PRR14L: variants seen among roughly 807,000 people sequenced by gnomAD.
PRR14L encodes the protein protein PRR14L.
A neutral mutation model predicts 155.0 loss-of-function variants in PRR14L; 80 were observed. The observed-to-expected ratio is 0.52, with a 90% CI of 0.43 to 0.62. The LOEUF is 0.62. Among genes scored for constraint, PRR14L ranks in the 20% least tolerant of loss-of-function variants. PRR14L has a pLI of 0.00. For synonymous variants in PRR14L, 883 were observed against 916.0 expected (o/e 0.96, Z 0.65); for missense variants, 2,469 against 2,548.0 (o/e 0.97, Z 0.67).
In PRR14L at chr22:31,682,251, T is replaced by C. The variant is rs2074458234; in HGVS notation, c.*3276A>G. On this transcript the variant is annotated 3_prime_UTR_variant, in exon 9 of 9. Coordinates refer to ENST00000327423, the MANE Select transcript of PRR14L (RefSeq NM_173566.3). ...AGTGGGATCTGGAATGGACCTCAGGTTGGCTCTGGAGCCCGTGCCAAAGAC... is the reference window on the plus strand; with the variant it reads ...AGTGGGATCTGGAATGGACCTCAGGCTGGCTCTGGAGCCCGTGCCAAAGAC... 1 of 152,192 alleles carries C rather than the reference T, an allele frequency of 6.6e-6. No homozygotes were observed. Among genetic ancestry groups the C allele is most frequent in the Non-Finnish European group, 1.5e-5 (1 of 68,052 alleles). The allele number at this position is 152,192 out of a possible 1,614,324, so 9.4% of individuals were successfully genotyped here.
Position 31,714,901 on chromosome 22 carries a change from C to T in PRR14L, c.2938G>A (p.Asp980Asn). The T allele has an allele frequency of 3.2e-6, 5 of 1,551,990 alleles. No individual in the cohort carries two copies. Among genetic ancestry groups the T allele is most frequent in the Non-Finnish European group, 4.4e-6 (5 of 1,147,066 alleles). ...GACTGACCTTCACTTTTGCATTCAT[C>T]TGGTCTGTTTTGGTTACTCTGACAG... ...LDCQSNQNRP[D>N]ECKSEGQSAK... The change falls in exon 4 of 9, where the codon GAT becomes AAT. Residue 980 changes from aspartate to asparagine, a missense_variant. Physicochemically the swap from Asp to Asn is conservative, Grantham distance 23 (BLOSUM62 1). Coordinates refer to ENST00000327423, the MANE Select transcript of PRR14L (RefSeq NM_173566.3).
chr22:31,725,429 T>G (rs2074711095), intron 3 of PRR14L, 109 bp downstream of exon 3: 3 of 725,046 alleles, frequency 4.1e-6, no homozygotes, highest in Non-Finnish European at 2.4e-6. Context: ...AAGTACACCT[T>G]ACAAGGCAAG....
chr22:31,748,911 G>C (rs919359883), intron 1 of PRR14L, among the ~76,000 whole-genome samples: 3 of 152,146 alleles, frequency 2.0e-5, no homozygotes, highest in African/African-American at 7.2e-5. Flanking sequence ...AAGGGGACTG[G>C]AAGTGTCTCT....
rs747627516 is a variant in PRR14L, at chr22:31,712,444, G to A, written c.5395C>T (p.Pro1799Ser). ...GCAGTGCCTCCATAGTCTTGGAGAG[G>A]AGCTGGAGGCTGGGGAGGAGCCTGA... The part of the protein sequence containing the change: ...HTQAPPQPPA[P>S]LQDYGGTAIV... Residue 1799 changes from proline (P) to serine (S), a missense_variant, in exon 4 of 9, where the codon CCT becomes TCT. Coordinates refer to ENST00000327423, the MANE Select transcript of PRR14L (RefSeq NM_173566.3). 15 of 1,558,970 alleles carry A rather than the reference G, an allele frequency of 9.6e-6. No homozygotes were observed. Among genetic ancestry groups the A allele is most frequent in the Non-Finnish European group, 1.3e-5 (15 of 1,150,850 alleles).
intron 3 of PRR14L, among the ~76,000 whole-genome samples, chr22:31,722,399 C>T (rs1278553065): frequency 6.8e-6 from 1 of 146,396 alleles, no homozygotes; most frequent in Non-Finnish European, 1.5e-5. Flanking sequence ...CACTGCACTC[C>T]AGCCTGGGTG....
At chr22:31,739,862 G>A (rs2074803125) in intron 1 of PRR14L, among the ~76,000 whole-genome samples, 1 of 152,060 alleles carries the variant, frequency 6.6e-6, no homozygotes, top group Non-Finnish European at 1.5e-5. Flanking sequence ...ACATACTCAG[G>A]GCCAGGGTTT....
At position 31,738,480 on chromosome 22, in the gene PRR14L, G is replaced by A; in HGVS notation, c.381C>T (p.Gly127=). 1 of 1,551,978 alleles carries A rather than the reference G, an allele frequency of 6.4e-7. No individual in the cohort carries two copies. Among genetic ancestry groups the A allele is most frequent in the Non-Finnish European group, 8.7e-7 (1 of 1,147,086 alleles). ...AGGGTTCTCTTATAATTCCTGCCTGGCCCCCTGGATCTCTGAAGACCTTTG... is the reference window on the plus strand; with the variant it reads ...AGGGTTCTCTTATAATTCCTGCCTGACCCCCTGGATCTCTGAAGACCTTTG... The part of the protein sequence containing the change: ...MEPKVFRDPG[G]QAGIIREPSE... Residue 127 remains glycine, a synonymous_variant, in exon 2 of 9, where the codon GGC becomes GGT. Transcript: ENST00000327423.
At chr22:31,728,749 C>G (rs1219934888) in intron 2 of PRR14L, among the ~76,000 whole-genome samples, 1 of 147,178 alleles carries the variant, frequency 6.8e-6, no homozygotes, top group Non-Finnish European at 1.5e-5. Flanking sequence ...TGAACTTTTT[C>G]TGTGTCTGAG....
Position 31,684,045 on chromosome 22 carries a change from G to A in PRR14L, c.*1482C>T, listed in dbSNP as rs1423282418. On this transcript the variant is annotated 3_prime_UTR_variant, in exon 9 of 9. Coordinates refer to ENST00000327423, the MANE Select transcript of PRR14L (RefSeq NM_173566.3). Reference sequence around the variant, plus strand: ...GCATCCCACTCACTAGCCATGGAATGTTAATTCTCTAAACTCTTGTTTTGA... The same window carrying A: ...GCATCCCACTCACTAGCCATGGAATATTAATTCTCTAAACTCTTGTTTTGA... 2 of 152,210 alleles carry A rather than the reference G, an allele frequency of 1.3e-5. No individual in the cohort carries two copies. The highest frequency in any genetic ancestry group is 6.6e-5 in the Admixed American group (1 of 15,254). 9.4% of individuals were successfully genotyped at this position (152,210 alleles called of 1,614,324 possible). A position where few individuals can be genotyped will look rare whatever the true frequency, so the allele number is the denominator to read the frequency against.
At chr22:31,724,719 G>T (rs535422461) in intron 3 of PRR14L, among the ~76,000 whole-genome samples, 3 of 152,290 alleles carry the variant, frequency 2.0e-5, no homozygotes, top group South Asian at 4.1e-4. Context: ...TATTAGCCTT[G>T]ACACATAGAC....
intron 1 of PRR14L, among the ~76,000 whole-genome samples, chr22:31,748,659 A>T (rs928891810): frequency 1.3e-5 from 2 of 152,144 alleles, no homozygotes; most frequent in Non-Finnish European, 2.9e-5. Context: ...GGGGGTGGGA[A>T]GGATGTGCAG....
At position 31,738,477 on chromosome 22, in the gene PRR14L, C is replaced by T; in HGVS notation, c.384G>A (p.Gln128=). Residue 128 remains glutamine (Q), a synonymous_variant, in exon 2 of 9, where the codon CAG becomes CAA. Coordinates refer to ENST00000327423, the MANE Select transcript of PRR14L (RefSeq NM_173566.3). ...EPKVFRDPGG[Q]AGIIREPSEG... is the part of the protein sequence containing the mutation. ...CAGAGGGTTCTCTTATAATTCCTGC[C>T]TGGCCCCCTGGATCTCTGAAGACCT... is the stretch of plus-strand genomic sequence containing the variant. 6.4e-7 allele frequency: 1 copy of T among 1,552,186 alleles called. No homozygotes were observed. Among genetic ancestry groups the T allele is most frequent in the Non-Finnish European group, 8.7e-7 (1 of 1,147,122 alleles).
intron 3 of PRR14L, among the ~76,000 whole-genome samples, chr22:31,719,810 CA>C (rs2074680620): frequency 6.6e-6 from 1 of 151,726 alleles, no homozygotes; most frequent in Non-Finnish European, 1.5e-5. Flanking sequence ...CATCATGGCT[CA>C]CTGCAGCCTC....
chr22:31,729,094 A>G (rs559624387), intron 2 of PRR14L, among the ~76,000 whole-genome samples: 6 of 152,362 alleles, frequency 3.9e-5, no homozygotes, highest in Non-Finnish European at 7.3e-5. Flanking sequence ...AACTGAATAC[A>G]TTCTTTCACA....
At chr22:31,744,837 A>C (rs2074829495) in intron 1 of PRR14L, among the ~76,000 whole-genome samples, 1 of 152,236 alleles carries the variant, frequency 6.6e-6, no homozygotes. Flanking sequence ...TCTTTATCAT[A>C]AACAGTGAAT....
rs1182579698 is a variant in PRR14L at position 31,712,652 on chromosome 22, A to T, written c.5187T>A (p.Asp1729Glu). 1.9e-6 allele frequency: 3 copies of T among 1,551,772 alleles called. No individual in the cohort carries two copies. Among genetic ancestry groups the T allele is most frequent in the Non-Finnish European group, 2.6e-6 (3 of 1,146,994 alleles). The change falls in exon 4 of 9, where the codon GAT becomes GAA. Residue 1729 changes from aspartate (D) to glutamate (E), a missense_variant. Asp to Glu is a conservative substitution (Grantham distance 45). Coordinates refer to ENST00000327423, the MANE Select transcript of PRR14L (RefSeq NM_173566.3). ...VSFHVKSSSS[D>E]CTTESSRTFP... ...AAGTCCTTGAGGACTCAGTCGTGCAATCTGAGCTGGATGATTTCACATGAA... is the reference window on the plus strand; with the variant it reads ...AAGTCCTTGAGGACTCAGTCGTGCATTCTGAGCTGGATGATTTCACATGAA...
At chr22:31,740,543 T>C (rs2074807292) in intron 1 of PRR14L, among the ~76,000 whole-genome samples, 1 of 151,552 alleles carries the variant, frequency 6.6e-6, no homozygotes, top group Non-Finnish European at 1.5e-5. Context: ...TTTTTTTTGG[T>C]GGAGACAAAG....
chr22:31,716,310 CT>C lies in PRR14L; in HGVS notation c.1528del (p.Ser510AlafsTer6). 6.4e-7 allele frequency: 1 copy of C among 1,551,682 alleles called. No individual in the cohort carries two copies. The highest frequency in any genetic ancestry group is 8.7e-7 in the Non-Finnish European group (1 of 1,146,988). On this transcript the variant is annotated frameshift_variant, in exon 4 of 9. Transcript: ENST00000327423. LOFTEE classifies it high-confidence loss of function. ...AATCTGCATCAAGGAGGAAAAACTG[CT>C]TTCTTCAGAGTGTCCACCAGGATGG... ...MSHPGGHSEESSFSSLMQIEE... is the reference protein window; with the variant it reads ...MSHPGGHSEEXSFSSLMQIEE...
chr22:31,729,349 C>A (rs1375745799), intron 2 of PRR14L, among the ~76,000 whole-genome samples: 1 of 151,860 alleles, frequency 6.6e-6, no homozygotes, highest in Admixed American at 6.6e-5. Context: ...GTAGCTGGGA[C>A]TACAGGCACC....
Sources: allele counts gnomAD v4.1 joint callset (sites outside exome capture counted in the v4.1 genomes callset), GRCh38; gene constraint gnomAD v4.1.1; transcripts MANE v1.5; gene names NCBI Gene and HGNC (gene_info 2026-07-23, HGNC 2026-07-21).